Variants in KIAA1217 observed in about 807,000 individuals in gnomAD.
KIAA1217 encodes the protein sickle tail protein homolog.
Under a neutral mutation model 163.9 loss-of-function variants are expected in KIAA1217, and 88 were observed. The ratio of observed to expected loss-of-function variants is 0.54; its 90% CI spans 0.45 to 0.64. The LOEUF is 0.64. Among genes scored for constraint, KIAA1217 ranks in the 30% least tolerant of loss-of-function variants. KIAA1217 has a pLI of 0.00. For missense variants in KIAA1217, 2,372 were observed against 2,475.0 expected, an observed-to-expected ratio of 0.96 and a Z score of 0.88; for synonymous variants, 903 against 923.1, an observed-to-expected ratio of 0.98 and a Z score of 0.39.
Position 24,529,575 on chromosome 10 carries a change from G to A in KIAA1217, c.3082+1456G>A, listed in dbSNP as rs151257269. Reference sequence around the variant, plus strand: ...TGGATGCAGAGGACCAACTGCACTTGTCTCCTCCCCAGTTTTCATCCATTT... The same window carrying A: ...TGGATGCAGAGGACCAACTGCACTTATCTCCTCCCCAGTTTTCATCCATTT... On this transcript the variant is annotated intron_variant, in intron 14 of 20. Coordinates refer to ENST00000376454, the MANE Select transcript of KIAA1217 (RefSeq NM_019590.5). 6.5e-3 allele frequency among the ~76,000 whole-genome samples: 986 copies of A among 152,046 alleles called. 8 individuals are homozygous for A. Among genetic ancestry groups the A allele is most frequent in the Non-Finnish European group, 0.012 (789 of 67,998 alleles).
chr10:24,074,709 T>C (rs905382282), intron 2 of KIAA1217, among the ~76,000 whole-genome samples: 8 of 148,800 alleles, frequency 5.4e-5, no homozygotes, highest in African/African-American at 2.0e-4. Context: ...TCTTCTTTTT[T>C]TTTTTTTTTT....
At chr10:23,737,923 C>T (rs1233515798) in intron 1 of KIAA1217, among the ~76,000 whole-genome samples, 1 of 150,596 alleles carries the variant, frequency 6.6e-6, no homozygotes, top group Non-Finnish European at 1.5e-5. Context: ...TACTGTGTGG[C>T]AAATTTATAA....
chr10:24,339,239 T>A (rs2046763261), intron 2 of KIAA1217, among the ~76,000 whole-genome samples: 1 of 152,194 alleles, frequency 6.6e-6, no homozygotes. Flanking sequence ...ACAGAAAATA[T>A]GTTTCTATTG....
intron 2 of KIAA1217, among the ~76,000 whole-genome samples, chr10:24,077,702 C>A (rs1012602402): frequency 6.6e-6 from 1 of 152,212 alleles, no homozygotes; most frequent in Non-Finnish European, 1.5e-5. Flanking sequence ...TAACTGGTAA[C>A]AGGATTGCTG....
chr10:23,838,612 C>G (rs1661651350), intron 1 of KIAA1217, among the ~76,000 whole-genome samples: 1 of 152,140 alleles, frequency 6.6e-6, no homozygotes, highest in Admixed American at 6.5e-5. Context: ...AGGTGCCCAC[C>G]TCCATGCCTG....
chr10:23,964,969 G>C (rs1032385874), intron 1 of KIAA1217, among the ~76,000 whole-genome samples: 4 of 152,134 alleles, frequency 2.6e-5, no homozygotes, highest in African/African-American at 4.8e-5. Flanking sequence ...TGGTTATAGT[G>C]GGATGACTTC....
intron 1 of KIAA1217, among the ~76,000 whole-genome samples, chr10:23,851,122 C>T (rs1229465777): frequency 6.6e-6 from 1 of 152,110 alleles, no homozygotes. Flanking sequence ...ATTGACTCGT[C>T]ATTTAGCATT....
At chr10:23,767,176 A>G (rs202200018) in intron 1 of KIAA1217, among the ~76,000 whole-genome samples, 2 of 152,358 alleles carry the variant, frequency 1.3e-5, no homozygotes, top group East Asian at 3.9e-4. Flanking sequence ...ACAGCTATGA[A>G]TACGTATAAA....
intron 1 of KIAA1217, among the ~76,000 whole-genome samples, chr10:23,826,680 A>T (rs1837915423): frequency 6.6e-6 from 1 of 152,100 alleles, no homozygotes; most frequent in African/African-American, 2.4e-5. Context: ...GAACATAAGG[A>T]GCGTCCTGTG....
intron 2 of KIAA1217, among the ~76,000 whole-genome samples, chr10:24,066,270 G>T (rs1030598379): frequency 1.3e-5 from 2 of 152,154 alleles, no homozygotes; most frequent in Admixed American, 6.5e-5. Flanking sequence ...TGTTTTTGCA[G>T]TGGCTGGTAC....
At chr10:24,402,517 AAAAAAC>A (rs796182421) in intron 3 of KIAA1217, among the ~76,000 whole-genome samples, 2 of 91,794 alleles carry the variant, frequency 2.2e-5, no homozygotes, top group African/African-American at 2.2e-4. Flanking sequence ...TCAAAAAAAC[AAAAAAC>A]AAAACAAAAA....
At chr10:24,430,442 G>A (rs966335693) in intron 3 of KIAA1217, among the ~76,000 whole-genome samples, 4 of 152,208 alleles carry the variant, frequency 2.6e-5, no homozygotes, top group Admixed American at 6.5e-5. Context: ...TTTTGTGGAA[G>A]ACAATTTTTC....
chr10:24,532,150 C>G (rs528275987), intron 15 of KIAA1217, among the ~76,000 whole-genome samples, 157 bp downstream of exon 15: 2 of 152,266 alleles, frequency 1.3e-5, no homozygotes, highest in South Asian at 4.1e-4. Flanking sequence ...ACAATGGCAG[C>G]CAGTATGATT....
chr10:24,389,676 G>A (rs2054573755), intron 3 of KIAA1217, among the ~76,000 whole-genome samples: 1 of 152,148 alleles, frequency 6.6e-6, no homozygotes, highest in Admixed American at 6.5e-5. Context: ...AGGGTGTCTG[G>A]CTGGAATCAC....
chr10:23,864,619 C>G (rs1196401747), intron 1 of KIAA1217, among the ~76,000 whole-genome samples: 1 of 151,564 alleles, frequency 6.6e-6, no homozygotes, highest in African/African-American at 2.4e-5. Context: ...TTGTACAGAC[C>G]TGTACAAATA....
At chr10:23,835,087 G>A (rs556886891) in intron 1 of KIAA1217, among the ~76,000 whole-genome samples, 1 of 152,078 alleles carries the variant, frequency 6.6e-6, no homozygotes, top group South Asian at 2.1e-4. Context: ...TGGAGGGAGA[G>A]AATGTCATAA....
At chr10:24,437,100 G>A (rs2060105600) in intron 4 of KIAA1217, among the ~76,000 whole-genome samples, 1 of 152,150 alleles carries the variant, frequency 6.6e-6, no homozygotes, top group African/African-American at 2.4e-5. Flanking sequence ...AATACCTCCA[G>A]AATCACAGTT....
At position 24,266,290 on chromosome 10, in the gene KIAA1217, G is replaced by T. The variant is rs192025704; in HGVS notation, c.354+46381G>T. On this transcript the variant is annotated intron_variant, in intron 2 of 20. Coordinates refer to ENST00000376454, the MANE Select transcript of KIAA1217 (RefSeq NM_019590.5). ...GACAGGGTTTCACCATGTTGACCAG[G>T]CTGGTCTCCAGCTCCTGACCTCAGG... Among the ~76,000 whole-genome samples the T allele has an allele frequency of 2.3e-3, 352 of 152,208 alleles. 1 individual carries two copies. The highest frequency in any genetic ancestry group is 8.3e-3 in the African/African-American group (345 of 41,552).
chr10:23,787,527 T>G (rs904200015), intron 1 of KIAA1217, among the ~76,000 whole-genome samples: 1 of 152,016 alleles, frequency 6.6e-6, no homozygotes, highest in African/African-American at 2.4e-5. Context: ...ACCATTAAGG[T>G]AGAGTGCTAA....
Sources: gnomAD v4.1 joint callset for allele counts (sites outside exome capture counted in the v4.1 genomes callset) on GRCh38, gnomAD v4.1.1 for gene constraint, MANE v1.5 for transcripts, NCBI Gene and HGNC (gene_info 2026-07-23, HGNC 2026-07-21) for gene names.